The following CDKAL1 variants were observed in gnomAD, a reference collection of about 807,000 sequenced individuals.
CDKAL1 encodes the protein CDKAL1 threonylcarbamoyladenosine tRNA methylthiotransferase, also known as threonylcarbamoyladenosine tRNA methylthiotransferase.
A neutral mutation model predicts 68.2 loss-of-function variants in CDKAL1; 32 were observed. That is an observed-to-expected ratio of 0.47 (90% CI 0.35 to 0.63). CDKAL1 has a LOEUF of 0.63. Among genes scored for constraint, CDKAL1 ranks in the 30% least tolerant of loss-of-function variants. The pLI is 0.00. For missense variants in CDKAL1, 606 were observed against 696.7 expected (o/e 0.87, Z 1.47); for synonymous variants, 234 against 244.3 (o/e 0.96, Z 0.39).
Position 20,860,720 on chromosome 6 carries a change from A to C in CDKAL1, c.742+14542A>C, listed in dbSNP as rs528417983. 8.2e-4 allele frequency among the ~76,000 whole-genome samples: 124 copies of C among 152,038 alleles called. 1 individual carries two copies. The highest frequency in any genetic ancestry group is 2.7e-3 in the African/African-American group (114 of 41,478). On this transcript the variant is annotated intron_variant, in intron 9 of 15. Coordinates refer to ENST00000274695, the MANE Select transcript of CDKAL1 (RefSeq NM_017774.3). ...GCACCTGTAGTCCCAGCTACTCAGGAGACTGAGGCAGGAGAATTGCTTGAA... is the reference window on the plus strand; with the variant it reads ...GCACCTGTAGTCCCAGCTACTCAGGCGACTGAGGCAGGAGAATTGCTTGAA...
chr6:20,863,862 T>G (rs1266076134), intron 9 of CDKAL1, among the ~76,000 whole-genome samples: 1 of 152,136 alleles, frequency 6.6e-6, no homozygotes, highest in African/African-American at 2.4e-5. Context: ...CTTTGAAAAA[T>G]TTGATTGTTT....
chr6:20,640,249 A>G (rs1768110088), intron 4 of CDKAL1, among the ~76,000 whole-genome samples: 1 of 152,164 alleles, frequency 6.6e-6, no homozygotes, highest in South Asian at 2.1e-4. Flanking sequence ...CTGAATTTTT[A>G]TTTGTATCAA....
intron 5 of CDKAL1, among the ~76,000 whole-genome samples, chr6:20,737,767 C>T (rs1034215007): frequency 6.6e-6 from 1 of 152,132 alleles, no homozygotes; most frequent in African/African-American, 2.4e-5. Context: ...GTTTTTATTT[C>T]GTTAACAAGC....
At chr6:20,642,430 A>G (rs1199805068) in intron 4 of CDKAL1, among the ~76,000 whole-genome samples, 1 of 151,262 alleles carries the variant, frequency 6.6e-6, no homozygotes, top group African/African-American at 2.4e-5. Context: ...TATTAGCCTG[A>G]TAGAAAAATG....
chr6:20,937,202 C>CTTCA (rs1763763413), intron 9 of CDKAL1, among the ~76,000 whole-genome samples: 1 of 152,146 alleles, frequency 6.6e-6, no homozygotes, highest in South Asian at 2.1e-4. Context: ...CATCCTCCTA[C>CTTCA]TTCAGCTCCT....
At chr6:21,121,369 A>G (rs1164254495) in intron 13 of CDKAL1, among the ~76,000 whole-genome samples, 2 of 152,244 alleles carry the variant, frequency 1.3e-5, no homozygotes, top group Non-Finnish European at 2.9e-5. Flanking sequence ...CTGTAAAATG[A>G]GAATACTGCG....
At chr6:20,566,498 T>C (rs1042174607) in intron 4 of CDKAL1, among the ~76,000 whole-genome samples, 1 of 151,830 alleles carries the variant, frequency 6.6e-6, no homozygotes. Flanking sequence ...AAAATATACA[T>C]AATTTTAATA....
At chr6:20,685,833 C>T (rs928799690) in intron 5 of CDKAL1, among the ~76,000 whole-genome samples, 1 of 152,204 alleles carries the variant, frequency 6.6e-6, no homozygotes, top group Non-Finnish European at 1.5e-5. Flanking sequence ...AAGTGATCCT[C>T]TCACCTTGGC....
chr6:21,032,808 A>C (rs892384380), intron 11 of CDKAL1, among the ~76,000 whole-genome samples: 1 of 152,220 alleles, frequency 6.6e-6, no homozygotes, highest in Non-Finnish European at 1.5e-5. Context: ...ATGTTCGCAC[A>C]ACAGCAAAAT....
intron 10 of CDKAL1, among the ~76,000 whole-genome samples, chr6:20,957,347 C>T (rs1764828784): frequency 6.6e-6 from 1 of 152,160 alleles, no homozygotes; most frequent in African/African-American, 2.4e-5. Context: ...TGCAAGATTG[C>T]AGCAGCTAAT....
rs73379328 is a variant in CDKAL1, at chr6:20,723,859, T to G, written c.372-15660T>G. On this transcript the variant is annotated intron_variant, in intron 5 of 15. Transcript: ENST00000274695. The stretch of plus-strand genomic sequence containing the variant: ...CAGAGGTTGGGGAATTTTGTGACTA[T>G]GTAAATTTGCTAAGGAGACACCATT... 9.7e-3 allele frequency among the ~76,000 whole-genome samples: 1,471 copies of G among 152,312 alleles called. 27 individuals carry two copies. The highest frequency in any genetic ancestry group is 0.034 in the African/African-American group (1,407 of 41,570).
intron 9 of CDKAL1, among the ~76,000 whole-genome samples, chr6:20,872,121 T>C (rs932852808): frequency 9.2e-5 from 14 of 152,138 alleles, no homozygotes; most frequent in Admixed American, 6.5e-5. Context: ...ACAAAAAATA[T>C]CATGTTTAAA....
At chr6:20,684,418 G>A (rs1581380270) in intron 5 of CDKAL1, among the ~76,000 whole-genome samples, 2 of 152,172 alleles carry the variant, frequency 1.3e-5, no homozygotes, top group African/African-American at 4.8e-5. Context: ...CTCCAGCCTT[G>A]GTGTCAGAGT....
chr6:20,879,176 G>A, intron 9 of CDKAL1, among the ~76,000 whole-genome samples: 1 of 152,158 alleles, frequency 6.6e-6, no homozygotes, highest in South Asian at 2.1e-4. Context: ...TAGTCCCTAG[G>A]ACTGATGTAC....
intron 5 of CDKAL1, among the ~76,000 whole-genome samples, chr6:20,720,189 G>A (rs1191538828): frequency 6.6e-6 from 1 of 152,074 alleles, no homozygotes; most frequent in Non-Finnish European, 1.5e-5. Context: ...AAGTCATTTG[G>A]TGGCACTGTT....
intron 9 of CDKAL1, among the ~76,000 whole-genome samples, chr6:20,902,357 AC>A (rs372997366): frequency 0.082 from 347 of 4,220 alleles, 4 homozygotes; most frequent in South Asian, 0.27. Flanking sequence ...ACACACACAC[AC>A]AATGTGTTTA....
intron 5 of CDKAL1, among the ~76,000 whole-genome samples, chr6:20,692,257 G>C (rs1277012763): frequency 3.3e-5 from 5 of 152,134 alleles, no homozygotes; most frequent in Non-Finnish European, 7.3e-5. Context: ...ATGTCAAAAT[G>C]ACTAAAGATT....
At chr6:21,052,349 G>C (rs1770584760) in intron 11 of CDKAL1, among the ~76,000 whole-genome samples, 1 of 151,678 alleles carries the variant, frequency 6.6e-6, no homozygotes, top group African/African-American at 2.4e-5. Flanking sequence ...GTCCCGATTT[G>C]TCTATTTTTT....
At chr6:20,641,194 A>C (rs1270134816) in intron 4 of CDKAL1, among the ~76,000 whole-genome samples, 2 of 152,200 alleles carry the variant, frequency 1.3e-5, no homozygotes, top group Non-Finnish European at 2.9e-5. Context: ...TCACAGCAGG[A>C]AAATAGTTTA....
Sources: gnomAD v4.1 joint callset for allele counts (sites outside exome capture counted in the v4.1 genomes callset) on GRCh38, gnomAD v4.1.1 for gene constraint, MANE v1.5 for transcripts, NCBI Gene and HGNC (gene_info 2026-07-23, HGNC 2026-07-21) for gene names.